GSK3B: variants seen among roughly 807,000 people sequenced by gnomAD.
The protein encoded by GSK3B is glycogen synthase kinase 3 beta.
GSK3B carries 15 observed loss-of-function variants against 56.4 expected under a neutral mutation model. The observed-to-expected ratio is 0.27, with a 90% confidence interval of 0.18 to 0.41. GSK3B has a LOEUF of 0.41. GSK3B is among the 10% of genes least tolerant of loss of function. The pLI is 1.00. For missense variants in GSK3B, 300 were observed against 513.4 expected, an observed-to-expected ratio of 0.58 and a Z score of 4.02; for synonymous variants, 181 against 188.9, an observed-to-expected ratio of 0.96 and a Z score of 0.34.
intron 1 of GSK3B, chr3:120,028,928 C>T (rs1036304506): frequency 1.8e-5 from 10 of 545,960 alleles, no homozygotes; most frequent in Non-Finnish European, 3.1e-5. Context: ...CCTCAAAGAT[C>T]AGACACAGGC....
chr3:120,028,801 T>G (rs1420374554), intron 1 of GSK3B: 1 of 447,914 alleles, frequency 2.2e-6, no homozygotes, highest in Non-Finnish European at 4.3e-6. Context: ...TCTCCGCCAG[T>G]GGGCGGCCGC....
chr3:120,090,127 T>C (rs1295369805), intron 1 of GSK3B, among the ~76,000 whole-genome samples: 1 of 152,080 alleles, frequency 6.6e-6, no homozygotes, highest in African/African-American at 2.4e-5. Flanking sequence ...TCTAAAATGT[T>C]ACAGTCACAG....
At chr3:120,071,930 G>A (rs1409910914) in intron 1 of GSK3B, among the ~76,000 whole-genome samples, 2 of 152,086 alleles carry the variant, frequency 1.3e-5, no homozygotes, top group Non-Finnish European at 2.9e-5. Context: ...GAAACACAGG[G>A]CTTATTGCAA....
intron 1 of GSK3B, among the ~76,000 whole-genome samples, chr3:120,064,209 G>C (rs1464864108): frequency 1.3e-5 from 2 of 151,620 alleles, no homozygotes; most frequent in African/African-American, 2.4e-5. Context: ...AAGAAAGAGA[G>C]AAAACCTTAT....
intron 1 of GSK3B, among the ~76,000 whole-genome samples, chr3:120,065,118 G>A (rs981611856): frequency 2.6e-5 from 4 of 151,964 alleles, no homozygotes; most frequent in African/African-American, 4.8e-5. Context: ...AAAAAAACAG[G>A]AACATTCAAC....
intron 8 of GSK3B, among the ~76,000 whole-genome samples, chr3:119,864,435 T>C (rs1009774030): frequency 1.3e-5 from 2 of 152,144 alleles, no homozygotes; most frequent in African/African-American, 2.4e-5. Flanking sequence ...TTCTAAATTA[T>C]GGCCACCTAC....
At chr3:119,830,587 G>GA (rs2055583422) in intron 10 of GSK3B, among the ~76,000 whole-genome samples, 1 of 152,140 alleles carries the variant, frequency 6.6e-6, no homozygotes, top group Admixed American at 6.5e-5. Context: ...TGGCATTATG[G>GA]TTTAAAAGAG....
chr3:119,947,651 A>G (rs1212894737), intron 2 of GSK3B, among the ~76,000 whole-genome samples: 1 of 152,132 alleles, frequency 6.6e-6, no homozygotes, highest in Non-Finnish European at 1.5e-5. Context: ...TCCATATTTT[A>G]TATTTTTAAA....
chr3:119,857,521 G>T (rs2056038967), intron 9 of GSK3B, among the ~76,000 whole-genome samples: 1 of 152,182 alleles, frequency 6.6e-6, no homozygotes, highest in African/African-American at 2.4e-5. Context: ...AAAGACTGCA[G>T]CAAATCAGTC....
At chr3:119,986,623 C>A (rs1341360169) in intron 2 of GSK3B, among the ~76,000 whole-genome samples, 1 of 152,098 alleles carries the variant, frequency 6.6e-6, no homozygotes, top group Admixed American at 6.5e-5. Flanking sequence ...CAAATCAAAA[C>A]CACAATGAGA....
intron 1 of GSK3B, among the ~76,000 whole-genome samples, chr3:120,061,819 G>A (rs2107553160): frequency 6.6e-6 from 1 of 152,240 alleles, no homozygotes; most frequent in South Asian, 2.1e-4. Flanking sequence ...CGCAACCTCG[G>A]GGTCCTGAGT....
At chr3:120,046,028 C>T (rs1232402296) in intron 1 of GSK3B, among the ~76,000 whole-genome samples, 1 of 143,728 alleles carries the variant, frequency 7.0e-6, no homozygotes, top group African/African-American at 2.6e-5. Context: ...CTGAAAAAGA[C>T]AAAACTATAG....
At chr3:119,880,204 A>C (rs2056364603) in intron 7 of GSK3B, among the ~76,000 whole-genome samples, 1 of 152,076 alleles carries the variant, frequency 6.6e-6, no homozygotes, top group African/African-American at 2.4e-5. Context: ...TTTGATTTGC[A>C]TTTCTCTGAT....
chr3:119,986,155 C>T (rs1247275036), intron 2 of GSK3B, among the ~76,000 whole-genome samples: 5 of 152,082 alleles, frequency 3.3e-5, no homozygotes, highest in African/African-American at 1.2e-4. Context: ...AAACTGGACC[C>T]CTTCCTTACA....
At chr3:119,872,401 A>T (rs4688043) in intron 8 of GSK3B, among the ~76,000 whole-genome samples, 136,198 of 152,178 alleles carry the variant, frequency 0.89, 61,062 homozygotes, top group Admixed American at 0.93. Flanking sequence ...TGGACAAGCA[A>T]AAACTGGCAC....
intron 2 of GSK3B, among the ~76,000 whole-genome samples, chr3:119,992,946 T>C (rs1453696062): frequency 6.6e-6 from 1 of 151,776 alleles, no homozygotes; most frequent in Non-Finnish European, 1.5e-5. Flanking sequence ...GCCAAAACTA[T>C]GGACCAACAG....
At chr3:120,088,563 C>A (rs912524676) in intron 1 of GSK3B, among the ~76,000 whole-genome samples, 21 of 152,156 alleles carry the variant, frequency 1.4e-4, no homozygotes, top group Admixed American at 6.6e-4. Flanking sequence ...AATGAAAATG[C>A]TCTTCTTCTG....
intron 2 of GSK3B, among the ~76,000 whole-genome samples, chr3:119,993,110 G>C (rs2057581302): frequency 6.8e-6 from 1 of 146,724 alleles, no homozygotes; most frequent in Admixed American, 6.8e-5. Flanking sequence ...AAGTACAAAA[G>C]AGTGTCTCCA....
At chr3:119,888,649 T>G (rs2056467058) in intron 7 of GSK3B, among the ~76,000 whole-genome samples, 1 of 152,114 alleles carries the variant, frequency 6.6e-6, no homozygotes, top group African/African-American at 2.4e-5. Flanking sequence ...TTCAGGGAAC[T>G]AGGGAAGACA....
Sources: allele counts gnomAD v4.1 joint callset (sites outside exome capture counted in the v4.1 genomes callset), GRCh38; gene constraint gnomAD v4.1.1; transcripts MANE v1.5; gene names NCBI Gene and HGNC (gene_info 2026-07-23, HGNC 2026-07-21).